The following PIGN variants were observed in gnomAD, a reference collection of about 807,000 sequenced individuals.
PIGN encodes phosphatidylinositol glycan anchor biosynthesis class N.
Under a neutral mutation model 125.4 loss-of-function variants are expected in PIGN, and 117 were observed. That is an observed-to-expected ratio of 0.93 (90% confidence interval 0.80 to 1.09). PIGN has a LOEUF of 1.09. PIGN is among the 50% of genes least tolerant of loss of function. The pLI is 0.00. For synonymous variants in PIGN, 392 were observed against 377.8 expected (o/e 1.04, Z -0.44); for missense variants, 1,075 against 1,094.9 (o/e 0.98, Z 0.26).
Position 62,041,203 on chromosome 18 carries a change from T to C in PIGN, c.*4653A>G, listed in dbSNP as rs1442907731. ...AAATTTATTTTTCAGGTAAAAGATA[T>C]AAAACATAAGGTATGAAGGCTTAGT... On this transcript the variant is annotated 3_prime_UTR_variant, in exon 31 of 31. Transcript: ENST00000640252. 1 of 152,128 alleles carries C rather than the reference T, an allele frequency of 6.6e-6. No individual in the cohort carries two copies. Among genetic ancestry groups the C allele is most frequent in the Non-Finnish European group, 1.5e-5 (1 of 68,016 alleles). 9.4% of individuals were successfully genotyped at this position (152,128 alleles called of 1,614,324 possible). A position where few individuals can be genotyped will look rare whatever the true frequency, so the allele number is the denominator to read the frequency against.
At chr18:62,180,545 G>A (rs1373702357) in intron 1 of PIGN, among the ~76,000 whole-genome samples, 1 of 151,962 alleles carries the variant, frequency 6.6e-6, no homozygotes, top group East Asian at 1.9e-4. Context: ...ATTTGAACAG[G>A]CCAAATTGGC....
intron 4 of PIGN, 139 bp downstream of exon 4, chr18:62,160,994 G>C: frequency 1.8e-6 from 1 of 570,166 alleles, no homozygotes; most frequent in Non-Finnish European, 3.1e-6. Context: ...ATAAGACAAA[G>C]GCAAATGTAC....
intron 1 of PIGN, among the ~76,000 whole-genome samples, chr18:62,172,135 C>T (rs1027900533): frequency 6.6e-6 from 1 of 152,094 alleles, no homozygotes; most frequent in African/African-American, 2.4e-5. Flanking sequence ...TATATAGATA[C>T]AGATAAACAC....
Position 62,033,123 on chromosome 18 carries a change from G to C in PIGN, c.2143-15382C>G, listed in dbSNP as rs556712656. On this transcript the variant is annotated intron_variant, in intron 23 of 24. Transcript: ENST00000639600. The stretch of plus-strand genomic sequence containing the variant: ...GCAGTTTCCTTGGATGCCATAGCTA[G>C]TGTCTGCCCCAGCTGGGCTGCTAAG... 1.1e-4 allele frequency among the ~76,000 whole-genome samples: 16 copies of C among 152,342 alleles called. No homozygotes were observed. The Middle Eastern group carries it at 0.014, about 130-fold the overall frequency.
In PIGN at chr18:62,107,041, G is replaced by A. The variant is rs762966799; in HGVS notation, c.1619C>T (p.Pro540Leu). 2.5e-6 allele frequency: 4 copies of A among 1,590,638 alleles called. No individual in the cohort carries two copies. In the African/African-American group the frequency reaches 5.4e-5, roughly 21 times the overall value. Reference protein sequence around the residue: ...QDLVVSVLTYPLSHFVGYLLA... With the variant: ...QDLVVSVLTYLLSHFVGYLLA... ...CAGGTACCCAACAAAATGGCTCAGA[G>A]GATAGGTCAACACTGATACAACAAG... The change falls in exon 18 of 31, where the codon CCT becomes CTT. Residue 540 changes from proline to leucine, a missense_variant. This residue lies in a region of PIGN where 915 missense variants were observed against 908.7 expected (regional missense o/e 1.01). Transcript: ENST00000640252.
At chr18:62,179,492 C>T (rs1194863788) in intron 1 of PIGN, among the ~76,000 whole-genome samples, 1 of 151,996 alleles carries the variant, frequency 6.6e-6, no homozygotes, top group East Asian at 1.9e-4. Context: ...ACCTGTAATC[C>T]TAGCACTTTA....
At chr18:62,088,092 G>A (rs1175565616) in intron 25 of PIGN, among the ~76,000 whole-genome samples, 2 of 152,144 alleles carry the variant, frequency 1.3e-5, no homozygotes, top group Non-Finnish European at 2.9e-5. Flanking sequence ...TGATTGTGGT[G>A]ATCATTTTAC....
At chr18:62,025,288 T>C (rs957195567) in intron 23 of PIGN, among the ~76,000 whole-genome samples, 1 of 152,218 alleles carries the variant, frequency 6.6e-6, no homozygotes, top group Admixed American at 6.5e-5. Context: ...CAACATTAGG[T>C]TTTTGTGTTC....
chr18:62,179,373 TGAC>T (rs1175160833), intron 1 of PIGN, among the ~76,000 whole-genome samples: 4 of 152,214 alleles, frequency 2.6e-5, no homozygotes, highest in African/African-American at 9.6e-5. Context: ...CCTCCTGAGA[TGAC>T]GAGGCACCTA....
At chr18:62,135,788 G>C (rs1323058944) in intron 14 of PIGN, 4 of 151,642 alleles carry the variant, frequency 2.6e-5, no homozygotes, top group African/African-American at 9.7e-5. Context: ...CACCATGCCT[G>C]GCTCATTTTT....
chr18:62,090,533 G>C lies in PIGN; in HGVS notation c.2226C>G (p.Val742=). Residue 742 remains valine (V), a synonymous_variant, in exon 24 of 31, where the codon GTC becomes GTG. Transcript: ENST00000640252. Reference sequence around the variant, plus strand: ...GAGTTTCTTGTTCTATGTTTATCCAGACAAACATCAAACAAGACAACACTA... The same window carrying C: ...GAGTTTCTTGTTCTATGTTTATCCACACAAACATCAAACAAGACAACACTA... The part of the protein sequence containing the change: ...FPLVLSCLMF[V]WINIEQETLQ... The C allele has an allele frequency of 6.2e-7, 1 of 1,610,856 alleles. No homozygotes were observed. The highest frequency in any genetic ancestry group is 8.5e-7 in the Non-Finnish European group (1 of 1,178,222).
At position 62,105,556 on chromosome 18, in the gene PIGN, C is replaced by T. The variant is rs1437798423; in HGVS notation, c.1846G>A (p.Asp616Asn). ...PLMPVVGRKPDISLVMGAGLL... is the reference protein window; with the variant it reads ...PLMPVVGRKPNISLVMGAGLL... ...TATTATTCATACACTAGAGAGATGT[C>T]TGGCTTTCGACCTACAACCGGCATC... Residue 616 changes from aspartate to asparagine, a missense_variant, in exon 20 of 31, where the codon GAC becomes AAC. This residue lies in a region of PIGN where 915 missense variants were observed against 908.7 expected (regional missense o/e 1.01). Coordinates refer to ENST00000640252, the MANE Select transcript of PIGN (RefSeq NM_176787.5). The T allele has an allele frequency of 6.5e-7, 1 of 1,542,644 alleles. No individual in the cohort carries two copies. Among genetic ancestry groups the T allele is most frequent in the Non-Finnish European group, 8.8e-7 (1 of 1,138,108 alleles).
At chr18:62,173,293 C>T (rs1448837046) in intron 1 of PIGN, among the ~76,000 whole-genome samples, 1 of 152,218 alleles carries the variant, frequency 6.6e-6, no homozygotes, top group African/African-American at 2.4e-5. Flanking sequence ...CACTCTGCCA[C>T]CCAGGCTGGA....
intron 30 of PIGN, among the ~76,000 whole-genome samples, chr18:62,067,384 G>A (rs555912178): frequency 2.9e-4 from 44 of 152,242 alleles, no homozygotes; most frequent in African/African-American, 8.4e-4. Flanking sequence ...CCAGTTAGCC[G>A]ATTATTGACA....
At chr18:62,166,910 G>A (rs2037154863) in intron 1 of PIGN, among the ~76,000 whole-genome samples, 2 of 152,084 alleles carry the variant, frequency 1.3e-5, no homozygotes, top group Non-Finnish European at 2.9e-5. Flanking sequence ...AGGGGTGGAG[G>A]ACAAAAGAAG....
intron 25 of PIGN, among the ~76,000 whole-genome samples, chr18:62,087,101 A>G (rs1166096226): frequency 1.3e-5 from 2 of 152,222 alleles, no homozygotes; most frequent in African/African-American, 4.8e-5. Flanking sequence ...AGTTGTTTGC[A>G]TAGAAGTGTC....
At chr18:62,125,882 T>G (rs555346243) in intron 14 of PIGN, among the ~76,000 whole-genome samples, 1 of 152,154 alleles carries the variant, frequency 6.6e-6, no homozygotes, top group African/African-American at 2.4e-5. Context: ...AAAATCAGTG[T>G]TTTCATGACA....
At chr18:62,098,819 T>C (rs2034319542) in intron 22 of PIGN, among the ~76,000 whole-genome samples, 1 of 152,128 alleles carries the variant, frequency 6.6e-6, no homozygotes, top group Admixed American at 6.6e-5. Flanking sequence ...AGAGAAACTT[T>C]CATGTTTGGT....
Position 62,157,138 on chromosome 18 carries a change from A to G in PIGN, c.433T>C (p.Phe145Leu), listed in dbSNP as rs879837156. Residue 145 changes from phenylalanine (F) to leucine (L), a missense_variant, in exon 6 of 31, where the codon TTT becomes CTT. By Grantham distance (22) the Phe-to-Leu change is conservative (BLOSUM62 0). This residue lies in a region of PIGN where 8 missense variants were observed against 23.3 expected (regional missense o/e 0.34). Transcript: ENST00000640252. ...AATCAGTGACTCTTACCTTTGGCAA[A>G]CATAGGCAGGATATCTGGGCTTCCC... ...SWGSPDILPM[F>L]AKGASGDHVY... 5.7e-6 allele frequency: 9 copies of G among 1,589,914 alleles called. No individual in the cohort carries two copies. The East Asian group carries it at 1.3e-4, about 24-fold the overall frequency.
Sources: allele counts gnomAD v4.1 joint callset (sites outside exome capture counted in the v4.1 genomes callset), GRCh38; gene constraint gnomAD v4.1.1; regional missense constraint gnomAD v4.1.1; transcripts MANE v1.5; gene names NCBI Gene and HGNC (gene_info 2026-07-23, HGNC 2026-07-21).